Variants in CALR observed in about 807,000 individuals in gnomAD.
The protein encoded by CALR is calreticulin.
In CALR, 15 loss-of-function variants were observed where a neutral mutation model predicts 51.1. That is an observed-to-expected ratio of 0.29 (90% CI 0.20 to 0.45). The LOEUF is 0.45. Ranked by LOEUF, CALR falls within the 20% of genes least tolerant of loss-of-function variation. The pLI is 1.00. For synonymous variants in CALR, 239 were observed against 205.9 expected (o/e 1.16, Z -1.38); for missense variants, 477 against 530.6 (o/e 0.90, Z 0.99).
chr19:12,939,467 C>T lies in CALR; in HGVS notation c.233C>T (p.Ser78Leu), dbSNP rs1971514455. ...CAGGATGCACGCTTTTATGCTCTGTCGGCCAGTTTCGAGCCTTTCAGCAAC... is the reference window on the plus strand; with the variant it reads ...CAGGATGCACGCTTTTATGCTCTGTTGGCCAGTTTCGAGCCTTTCAGCAAC... Reference protein sequence around the residue: ...TSQDARFYALSASFEPFSNKG... With the variant: ...TSQDARFYALLASFEPFSNKG... Residue 78 changes from serine (S) to leucine (L), a missense_variant, in exon 3 of 9, where the codon TCG becomes TTG. Coordinates refer to ENST00000316448, the MANE Select transcript of CALR (RefSeq NM_004343.4). 6.2e-7 allele frequency: 1 copy of T among 1,612,566 alleles called. No homozygotes were observed. Among genetic ancestry groups the T allele is most frequent in the Non-Finnish European group, 8.5e-7 (1 of 1,180,034 alleles).
intron 7 of CALR, 99 bp from the exon 8 acceptor site, chr19:12,943,438 C>A: frequency 3.0e-6 from 3 of 1,014,872 alleles, no homozygotes; most frequent in Non-Finnish European, 4.7e-6. Context: ...CAGATGCAGG[C>A]AGCAGAATAT....
intron 7 of CALR, among the ~76,000 whole-genome samples, chr19:12,941,246 C>T (rs888476505): frequency 6.6e-6 from 1 of 152,054 alleles, no homozygotes; most frequent in African/African-American, 2.4e-5. Context: ...CCAGGAGTTA[C>T]ACAACTCAAC....
chr19:12,939,117 T>A lies in CALR; in HGVS notation c.92-17T>A. ...TAGCACAGCCGCTCTGACCTACCCC[T>A]CTAATCCCCCACTTAGACGGGTGGA... is the stretch of plus-strand genomic sequence containing the variant. On this transcript the variant is annotated splice_polypyrimidine_tract_variant and intron_variant, in intron 1 of 8. Transcript: ENST00000316448. The A allele has an allele frequency of 6.6e-7, 1 of 1,522,376 alleles. No homozygotes were observed. Among genetic ancestry groups the A allele is most frequent in the Non-Finnish European group, 9.0e-7 (1 of 1,105,924 alleles). 94.3% of individuals were successfully genotyped at this position (1,522,376 alleles called of 1,614,324 possible).
chr19:12,942,360 CAA>C (rs539049105), intron 7 of CALR, among the ~76,000 whole-genome samples: 14 of 124,804 alleles, frequency 1.1e-4, no homozygotes, highest in South Asian at 2.5e-4. Flanking sequence ...GACTCTGTCC[CAA>C]AAAAAAAAAA....
At chr19:12,942,553 G>C (rs1189662356) in intron 7 of CALR, among the ~76,000 whole-genome samples, 9 of 151,868 alleles carry the variant, frequency 5.9e-5, no homozygotes, top group Non-Finnish European at 2.9e-5. Context: ...CACAAAGCTG[G>C]GGTTTGAACC....
At chr19:12,938,910 C>G (rs1470952348) in intron 1 of CALR, 140 bp downstream of exon 1, 4 of 799,162 alleles carry the variant, frequency 5.0e-6, no homozygotes, top group Non-Finnish European at 6.5e-6. Flanking sequence ...GATTTCTCTT[C>G]TGCGTCCCTG....
chr19:12,943,805 A>G lies in CALR; in HGVS notation c.1146A>G (p.Ala382=). ...EDKKRKEEEE[A]EDKEDDEDKD... ...AGAAACGCAAAGAGGAGGAGGAGGC[A>G]GAGGACAAGGAGGATGATGAGGACA... Residue 382 remains alanine (A), a synonymous_variant, in exon 9 of 9, where the codon GCA becomes GCG. Transcript: ENST00000316448. The G allele has an allele frequency of 6.3e-7, 1 of 1,587,774 alleles. No individual in the cohort carries two copies. The highest frequency in any genetic ancestry group is 8.6e-7 in the Non-Finnish European group (1 of 1,166,740).
At chr19:12,941,106 A>T (rs1167671540) in intron 7 of CALR, among the ~76,000 whole-genome samples, 1 of 152,152 alleles carries the variant, frequency 6.6e-6, no homozygotes, top group African/African-American at 2.4e-5. Context: ...CTTTTATGCA[A>T]ATCAACTTCT....
Position 12,943,824 on chromosome 19 carries a change from G to A in CALR, c.1165G>A (p.Glu389Lys), listed in dbSNP as rs1971583721. The A allele has an allele frequency of 6.3e-7, 1 of 1,580,948 alleles. No individual in the cohort carries two copies. Among genetic ancestry groups the A allele is most frequent in the Non-Finnish European group, 8.6e-7 (1 of 1,163,174 alleles). ...GGAGGCAGAGGACAAGGAGGATGATGAGGACAAAGATGAGGATGAGGAGGA... is the reference window on the plus strand; with the variant it reads ...GGAGGCAGAGGACAAGGAGGATGATAAGGACAAAGATGAGGATGAGGAGGA... ...EEEAEDKEDD[E>K]DKDEDEEDEE... The change falls in exon 9 of 9, where the codon GAG (glutamate) becomes AAG (lysine). Residue 389 changes from glutamate to lysine, a missense_variant. By Grantham distance (56) the Glu-to-Lys change is moderately conservative. Transcript: ENST00000316448.
intron 7 of CALR, chr19:12,943,260 ATTT>A (rs1383793661): frequency 2.4e-6 from 1 of 414,742 alleles, no homozygotes; most frequent in Non-Finnish European, 4.6e-6. Flanking sequence ...GATTTTTTGT[ATTT>A]TTAGTAGAGA....
chr19:12,938,657 C>T lies in CALR; in HGVS notation c.-23C>T, dbSNP rs1265722676. 1.9e-6 allele frequency: 3 copies of T among 1,586,846 alleles called. No homozygotes were observed. Among genetic ancestry groups the T allele is most frequent in the African/African-American group, 1.3e-5 (1 of 74,420 alleles). On this transcript the variant is annotated 5_prime_UTR_variant, in exon 1 of 9. Coordinates refer to ENST00000316448, the MANE Select transcript of CALR (RefSeq NM_004343.4). The stretch of plus-strand genomic sequence containing the variant: ...GGAGGGTCGTTTTAAAGGGCCCGCG[C>T]GTTGCCGCCCCCTCGGCCCGCCATG...
In CALR at chr19:12,943,938, T is replaced by TGA. The variant is rs772125362; in HGVS notation, c.*27_*28dup. On this transcript the variant is annotated 3_prime_UTR_variant, in exon 9 of 9. Coordinates refer to ENST00000316448, the MANE Select transcript of CALR (RefSeq NM_004343.4). ...GAGAGGCCTGCCTCCAGGGCTGGAC[T>TGA]GAGGCCTGAGCGCTCCTGCCGCAGA... The TGA allele has an allele frequency of 1.9e-6, 3 of 1,603,810 alleles. No individual in the cohort carries two copies. The highest frequency in any genetic ancestry group is 2.7e-5 in the African/African-American group (2 of 74,754).
At position 12,940,777 on chromosome 19, in the gene CALR, G is replaced by C; in HGVS notation, c.850G>C (p.Asp284His). ...EWKPRQIDNP[D>H]YKGTWIHPEI... ...GAAGCCCCGGCAGATCGACAACCCA[G>C]ATTACAAGGGCACTTGGATCCACCC... Residue 284 changes from aspartate to histidine, a missense_variant, in exon 7 of 9, where the codon GAT becomes CAT. Coordinates refer to ENST00000316448, the MANE Select transcript of CALR (RefSeq NM_004343.4). The C allele has an allele frequency of 6.2e-7, 1 of 1,614,124 alleles. No individual in the cohort carries two copies. The highest frequency in any genetic ancestry group is 1.1e-5 in the South Asian group (1 of 91,074).
intron 7 of CALR, among the ~76,000 whole-genome samples, 160 bp downstream of exon 7, chr19:12,941,047 CA>C (rs1459607801): frequency 6.6e-6 from 1 of 152,174 alleles, no homozygotes; most frequent in Non-Finnish European, 1.5e-5. Flanking sequence ...GTCCTCACAG[CA>C]ACCCCTTTAA....
At chr19:12,940,990 A>G in intron 7 of CALR, 103 bp downstream of exon 7, 1 of 1,083,516 alleles carries the variant, frequency 9.2e-7, no homozygotes, top group South Asian at 1.3e-5. Flanking sequence ...GTCTGACTCA[A>G]AAATGGTACT....
At chr19:12,939,385 C>T (rs750716709) in intron 2 of CALR, 43 bp from the exon 3 acceptor site, 25 of 1,590,332 alleles carry the variant, frequency 1.6e-5, no homozygotes, top group Non-Finnish European at 2.2e-5. Context: ...AGGGTCCTCG[C>T]GAGTCAAGGC....
chr19:12,944,067 T>A lies in CALR; in HGVS notation c.*154T>A. On this transcript the variant is annotated 3_prime_UTR_variant, in exon 9 of 9. Transcript: ENST00000316448. ...TTTTGGTTTTGTTCCCCTCCTCCAC[T>A]CTCCCCCACCCCCTCCCCGCCCTTT... 1.0e-5 allele frequency: 12 copies of A among 1,158,026 alleles called. No individual in the cohort carries two copies. The highest frequency in any genetic ancestry group is 1.5e-5 in the Non-Finnish European group (12 of 806,740). 71.7% of individuals were successfully genotyped at this position (1,158,026 alleles called of 1,614,324 possible). A position where few individuals can be genotyped will look rare whatever the true frequency, so the allele number is the denominator to read the frequency against.
At position 12,939,252 on chromosome 19, in the gene CALR, G is replaced by C. The variant is rs1971511117; in HGVS notation, c.193+17G>C. On this transcript the variant is annotated intron_variant, in intron 2 of 8. Transcript: ENST00000316448. ...AAGATAAAGGTAAGAGCCTAGGAGT[G>C]GGTGCTCAGATCCGGGAGGACTTCC... 6.4e-7 allele frequency: 1 copy of C among 1,563,286 alleles called. No individual in the cohort carries two copies. Among genetic ancestry groups the C allele is most frequent in the Non-Finnish European group, 8.8e-7 (1 of 1,138,724 alleles).
intron 7 of CALR, 30 bp downstream of exon 7, chr19:12,940,917 T>TG: frequency 6.2e-7 from 1 of 1,611,364 alleles, no homozygotes; most frequent in Non-Finnish European, 8.5e-7. Flanking sequence ...GGAGGATCCC[T>TG]GGGGTACCTC....
Sources: allele counts gnomAD v4.1 joint callset (sites outside exome capture counted in the v4.1 genomes callset), GRCh38; gene constraint gnomAD v4.1.1; transcripts MANE v1.5; gene names NCBI Gene and HGNC (gene_info 2026-07-23, HGNC 2026-07-21).